Variants in SCRN2 observed in about 807,000 individuals in gnomAD.
SCRN2 encodes secernin-2.
A neutral mutation model predicts 40.1 loss-of-function variants in SCRN2; 30 were observed. The observed-to-expected ratio is 0.75, with a 90% confidence interval of 0.56 to 1.01. The LOEUF (loss-of-function observed/expected upper bound fraction) is 1.01, where lower values mean the gene tolerates loss of function less well. Ranked by LOEUF, SCRN2 falls within the 50% of genes least tolerant of loss-of-function variation. The pLI, the probability that SCRN2 is intolerant of heterozygous loss-of-function variation, is 0.00. For missense variants in SCRN2, 526 were observed against 564.9 expected, an observed-to-expected ratio of 0.93 and a Z score of 0.70; for synonymous variants, 240 against 233.5, an observed-to-expected ratio of 1.03 and a Z score of -0.25.
chr17:47,839,652 A>G lies in SCRN2; in HGVS notation c.357-9T>C. On this transcript the variant is annotated splice_polypyrimidine_tract_variant and intron_variant, in intron 3 of 7. Transcript: ENST00000290216. ...TCCGTTCCAAAGCCAGCCTGGCAAA[A>G]GAGAGGGCCAAGGGACAGAAGGGTG... The G allele has an allele frequency of 2.5e-6, 4 of 1,613,816 alleles. No individual in the cohort carries two copies. Among genetic ancestry groups the G allele is most frequent in the Non-Finnish European group, 3.4e-6 (4 of 1,179,958 alleles).
intron 3 of SCRN2, 112 bp from the exon 4 acceptor site, chr17:47,839,755 C>G: frequency 2.7e-6 from 3 of 1,091,154 alleles, no homozygotes; most frequent in Non-Finnish European, 4.1e-6. Context: ...AGGCCCAAGT[C>G]ACACAGCAAA....
chr17:47,841,158 C>G (rs2033817313), intron 1 of SCRN2, 50 bp downstream of exon 1: 1 of 273,364 alleles, frequency 3.7e-6, no homozygotes, highest in Non-Finnish European at 6.9e-6. Flanking sequence ...AGATACCCGA[C>G]CCTCTTCTGT....
Position 47,837,925 on chromosome 17 carries a change from G to A in SCRN2, c.1197C>T (p.Ala399=), listed in dbSNP as rs150521076. ...EGLEATQGLL[A]GEWAPPLWEL... ...CCCAGAGGGGTGGGGCCCACTCGCC[G>A]GCCAGCAGCCCCTGTGTGGCCTCGA... The change falls in exon 8 of 8, where the codon GCC becomes GCT. Residue 399 remains alanine, a synonymous_variant. Transcript: ENST00000290216. 51 of 1,604,798 alleles carry A rather than the reference G, an allele frequency of 3.2e-5. No individual in the cohort carries two copies. In the African/African-American group the frequency reaches 3.6e-4, roughly 11 times the overall value.
At chr17:47,840,455 G>A in intron 2 of SCRN2, 83 bp from the exon 3 acceptor site, 1 of 1,468,386 alleles carries the variant, frequency 6.8e-7, no homozygotes. Flanking sequence ...TTACCTTATA[G>A]ATCCCTTTGA....
intron 4 of SCRN2, among the ~76,000 whole-genome samples, 156 bp downstream of exon 4, chr17:47,839,288 A>C (rs1440696890): frequency 6.6e-6 from 1 of 152,248 alleles, no homozygotes; most frequent in African/African-American, 2.4e-5. Context: ...GCTGTAGCAC[A>C]CGGAAGACTT....
In SCRN2 at chr17:47,838,562, G is replaced by A. The variant is rs2033749354; in HGVS notation, c.907C>T (p.His303Tyr). 2 of 1,614,084 alleles carry A rather than the reference G, an allele frequency of 1.2e-6. No homozygotes were observed. Among genetic ancestry groups the A allele is most frequent in the East Asian group, 2.2e-5 (1 of 44,880 alleles). The change falls in exon 6 of 8, where the codon CAC (histidine) becomes TAC (tyrosine). Residue 303 changes from histidine (H) to tyrosine (Y), a missense_variant. Physicochemically the swap from His to Tyr is moderately conservative, Grantham distance 83. Transcript: ENST00000290216. The part of the protein sequence containing the change: ...LPQDPTQPCV[H>Y]FLTATPDPSR... ...GGGTCTGGCGTGGCGGTAAGAAAGT[G>A]CACGCAGGGCTGCGTGGGATCCTGG...
Position 47,840,874 on chromosome 17 carries a change from G to A in SCRN2, c.1-31C>T, listed in dbSNP as rs909761081. On this transcript the variant is annotated intron_variant, in intron 1 of 7. Transcript: ENST00000290216. ...GAGAGGCGGGCCTCTCCATAACCCT[G>A]GCCACGGCTCAGCCCCGAGGAGCAG... 7 of 1,474,234 alleles carry A rather than the reference G, an allele frequency of 4.7e-6. No individual in the cohort carries two copies. In the African/African-American group the frequency reaches 5.7e-5, roughly 12 times the overall value. 91.3% of individuals were successfully genotyped at this position (1,474,234 alleles called of 1,614,324 possible). A position where few individuals can be genotyped will look rare whatever the true frequency, so the allele number is the denominator to read the frequency against.
At chr17:47,839,707 C>T (rs935949635) in intron 3 of SCRN2, 64 bp from the exon 4 acceptor site, 10 of 1,578,144 alleles carry the variant, frequency 6.3e-6, no homozygotes, top group Middle Eastern at 1.7e-4. Context: ...GTGGCAGAAG[C>T]TCCAGGGGAC....
At position 47,838,665 on chromosome 17, in the gene SCRN2, G is replaced by A. The variant is rs1287897316; in HGVS notation, c.804C>T (p.Ile268=). The change falls in exon 6 of 8, where the codon ATC becomes ATT. Residue 268 remains isoleucine (I), a synonymous_variant. Coordinates refer to ENST00000290216, the MANE Select transcript of SCRN2 (RefSeq NM_138355.4). Reference sequence around the variant, plus strand: ...AGATACCACTCTCCTTGTCTCTGAGGATGCCCATCATCACCTCTGCCGTGA... The same window carrying A: ...AGATACCACTCTCCTTGTCTCTGAGAATGCCCATCATCACCTCTGCCGTGA... ...GGITAEVMMG[I]LRDKESGICM... 3 of 1,613,950 alleles carry A rather than the reference G, an allele frequency of 1.9e-6. No individual in the cohort carries two copies. The highest frequency in any genetic ancestry group is 2.5e-6 in the Non-Finnish European group (3 of 1,180,018).
At chr17:47,840,508 G>T in intron 2 of SCRN2, 136 bp from the exon 3 acceptor site, 1 of 1,246,936 alleles carries the variant, frequency 8.0e-7, no homozygotes, top group Non-Finnish European at 1.1e-6. Flanking sequence ...AACTGAGGTA[G>T]ACTGAGGCTA....
At chr17:47,839,675 G>A in intron 3 of SCRN2, 32 bp from the exon 4 acceptor site, 2 of 1,609,208 alleles carry the variant, frequency 1.2e-6, no homozygotes, top group Admixed American at 3.3e-5. Context: ...GGACAGAAGG[G>A]TGACAGAGGG....
At chr17:47,839,799 GC>G in intron 3 of SCRN2, 156 bp from the exon 4 acceptor site, 1 of 717,730 alleles carries the variant, frequency 1.4e-6, no homozygotes, top group Non-Finnish European at 2.3e-6. Flanking sequence ...ATGCAATTAT[GC>G]CAGTGGCTTT....
chr17:47,840,931 G>T, intron 1 of SCRN2, 88 bp from the exon 2 acceptor site: 2 of 1,260,990 alleles, frequency 1.6e-6, no homozygotes, highest in Non-Finnish European at 1.0e-6. Flanking sequence ...GACGCGCAAG[G>T]AAGACACCGC....
At position 47,839,529 on chromosome 17, in the gene SCRN2, G is replaced by C; in HGVS notation, c.471C>G (p.Tyr157Ter). 6.2e-7 allele frequency: 1 copy of C among 1,613,992 alleles called. No homozygotes were observed. The highest frequency in any genetic ancestry group is 8.5e-7 in the Non-Finnish European group (1 of 1,180,046). Residue 157 changes from tyrosine (Y) to a stop codon, truncating the protein, a stop_gained, in exon 4 of 8, where the codon TAC becomes TAG. Coordinates refer to ENST00000290216, the MANE Select transcript of SCRN2 (RefSeq NM_138355.4). LOFTEE classifies it high-confidence loss of function. Reference protein sequence around the residue: ...NCLEDAAPFSYHSTFLLADRT... With the variant: ...NCLEDAAPFS Reference sequence around the variant, plus strand: ...GGTCAGCCAGCAGGAAGGTGCTATGGTAGGAGAATGGCGCAGCATCCTCCA... The same window carrying C: ...GGTCAGCCAGCAGGAAGGTGCTATGCTAGGAGAATGGCGCAGCATCCTCCA...
chr17:47,839,281 G>A (rs1240459983), intron 4 of SCRN2, among the ~76,000 whole-genome samples, 163 bp downstream of exon 4: 1 of 152,246 alleles, frequency 6.6e-6, no homozygotes, highest in African/African-American at 2.4e-5. Context: ...GCAACAGGCT[G>A]TAGCACACGG....
Position 47,839,525 on chromosome 17 carries a change from T to C in SCRN2, c.475A>G (p.Ser159Gly). 1 of 1,613,964 alleles carries C rather than the reference T, an allele frequency of 6.2e-7. No individual in the cohort carries two copies. The highest frequency in any genetic ancestry group is 8.5e-7 in the Non-Finnish European group (1 of 1,180,036). ...GTGCGGTCAGCCAGCAGGAAGGTGC[T>C]ATGGTAGGAGAATGGCGCAGCATCC... ...LEDAAPFSYH[S>G]TFLLADRTEA... The change falls in exon 4 of 8, where the codon AGC (serine) becomes GGC (glycine). Residue 159 changes from serine (S) to glycine (G), a missense_variant. By Grantham distance (56) the Ser-to-Gly change is moderately conservative. Coordinates refer to ENST00000290216, the MANE Select transcript of SCRN2 (RefSeq NM_138355.4).
chr17:47,837,803 G>C lies in SCRN2; in HGVS notation c.*41C>G. On this transcript the variant is annotated 3_prime_UTR_variant, in exon 8 of 8. Coordinates refer to ENST00000290216, the MANE Select transcript of SCRN2 (RefSeq NM_138355.4). Reference sequence around the variant, plus strand: ...CACCACTCAGGGCACCCAGGCCCCAGGGGTCCTGGGTCCACCCCAGGCCAG... The same window carrying C: ...CACCACTCAGGGCACCCAGGCCCCACGGGTCCTGGGTCCACCCCAGGCCAG... 6.5e-7 allele frequency: 1 copy of C among 1,545,092 alleles called. No homozygotes were observed.
In SCRN2 at chr17:47,839,005, C is replaced by T; in HGVS notation, c.558G>A (p.Glu186=). The T allele has an allele frequency of 6.2e-7, 1 of 1,613,744 alleles. No individual in the cohort carries two copies. Among genetic ancestry groups the T allele is most frequent in the African/African-American group, 1.3e-5 (1 of 75,068 alleles). The part of the protein sequence containing the change: ...GRLWAAQRIQ[E]GARNISNQLS... ...GCTGGTTGGAGATGTTGCGGGCCCC[C>T]TCTGTGGAGGAGATCGGGGAGTGGT... The change falls in exon 5 of 8, where the codon GAG becomes GAA. Residue 186 remains glutamate (E), a splice_region_variant and synonymous_variant. Coordinates refer to ENST00000290216, the MANE Select transcript of SCRN2 (RefSeq NM_138355.4).
chr17:47,838,851 G>A lies in SCRN2; in HGVS notation c.712C>T (p.Arg238Cys), dbSNP rs749702891. The change falls in exon 5 of 8, where the codon CGC becomes TGC. Residue 238 changes from arginine (R) to cysteine (C), a missense_variant. Arg to Cys is a radical substitution (Grantham distance 180, BLOSUM62 -3). Coordinates refer to ENST00000290216, the MANE Select transcript of SCRN2 (RefSeq NM_138355.4). ...AAGCGGGCCTTGGCAGCCTCCATGC[G>A]CACAGGCTGCTGGGTCAGGGAGAAG... ...QIFSLTQQPV[R>C]MEAAKARFQA... is the part of the protein sequence containing the mutation. The A allele has an allele frequency of 1.4e-5, 22 of 1,613,460 alleles. No homozygotes were observed. The highest frequency in any genetic ancestry group is 2.7e-5 in the African/African-American group (2 of 74,924).
Sources: gnomAD v4.1 joint callset for allele counts (sites outside exome capture counted in the v4.1 genomes callset) on GRCh38, gnomAD v4.1.1 for gene constraint, MANE v1.5 for transcripts, NCBI Gene and HGNC (gene_info 2026-07-23, HGNC 2026-07-21) for gene names.